CABLES2: variants seen among roughly 807,000 people sequenced by gnomAD.
CABLES2 encodes the protein CDK5 and ABL1 enzyme substrate 2.
CABLES2 carries 35 observed loss-of-function variants against 44.8 expected under a neutral mutation model. That is an observed-to-expected ratio of 0.78 (90% CI 0.60 to 1.04). The LOEUF (loss-of-function observed/expected upper bound fraction) is 1.04, where lower values mean the gene tolerates loss of function less well. CABLES2 is among the 50% of genes least tolerant of loss of function. The probability of loss-of-function intolerance (pLI) is 0.00; values close to 1 mark genes in which losing one functional copy is unlikely to be tolerated. For missense variants in CABLES2, 566 were observed against 615.7 expected (o/e 0.92, Z 0.85); for synonymous variants, 282 against 281.1 (o/e 1.00, Z -0.03).
At position 62,396,358 on chromosome 20, in the gene CABLES2, G is replaced by A. The variant is rs1303965350; in HGVS notation, c.484C>T (p.His162Tyr). The change falls in exon 3 of 10, where the codon CAC becomes TAC. Residue 162 changes from histidine to tyrosine, a missense_variant. Coordinates refer to ENST00000279101, the MANE Select transcript of CABLES2 (RefSeq NM_031215.3). The surrounding 1 kb of genome is among the most constrained non-coding windows in gnomAD (Gnocchi z 5.7). ...SPRHKGLKKT[H>Y]FIKNMRQYDT... ...TACTGCCTCATGTTCTTGATGAAGT[G>A]GGTCTTCTTCAGGCCTTTATGTCTC... The A allele has an allele frequency of 2.5e-6, 4 of 1,613,982 alleles. No individual in the cohort carries two copies. The Admixed American group carries it at 5.0e-5, about 20-fold the overall frequency.
chr20:62,404,699 A>G (rs1453388153), intron 1 of CABLES2: 16 of 152,424 alleles, frequency 1.0e-4, no homozygotes, highest in Admixed American at 1.0e-3. Flanking sequence ...CTCCCCCTCC[A>G]GGAACAGAGT....
Position 62,391,422 on chromosome 20 carries a change from C to A in CABLES2, c.1123G>T (p.Glu375Ter). Residue 375 changes from glutamate (E) to a stop codon, truncating the protein, a stop_gained, in exon 9 of 10, where the codon GAG (glutamate) becomes TAG (stop). Coordinates refer to ENST00000279101, the MANE Select transcript of CABLES2 (RefSeq NM_031215.3). LOFTEE classifies it high-confidence loss of function. The surrounding 1 kb of genome is among the most constrained non-coding windows in gnomAD (Gnocchi z 5.7). The stretch of plus-strand genomic sequence containing the variant: ...ACCGTCACGGGCTCCAGGCTGCACT[C>A]CTCCGACAGGCTCCGCATCTCCCGC... ...LKREMRSLSEECSLEPVTVAM... is the reference protein window; with the variant it reads ...LKREMRSLSE 1 of 1,613,280 alleles carries A rather than the reference C, an allele frequency of 6.2e-7. No homozygotes were observed. The highest frequency in any genetic ancestry group is 2.2e-5 in the East Asian group (1 of 44,882).
rs1413136325 is a variant in CABLES2, at chr20:62,389,157, A to C, written c.*1814T>G. 1 of 152,780 alleles carries C rather than the reference A, an allele frequency of 6.5e-6. No individual in the cohort carries two copies. The highest frequency in any genetic ancestry group is 2.4e-5 in the African/African-American group (1 of 41,448). The allele number at this position is 152,780 out of a possible 1,614,324, so 9.5% of individuals were successfully genotyped here. ...CCTTTACATGCTCGTAACATGGGCGAGCTCTTGAGATGGGATCTGGGTGGC... is the reference window on the plus strand; with the variant it reads ...CCTTTACATGCTCGTAACATGGGCGCGCTCTTGAGATGGGATCTGGGTGGC... On this transcript the variant is annotated 3_prime_UTR_variant, in exon 10 of 10. Coordinates refer to ENST00000279101, the MANE Select transcript of CABLES2 (RefSeq NM_031215.3).
In CABLES2 at chr20:62,391,179, C is replaced by T. The variant is rs561401756; in HGVS notation, c.1297-68G>A. 3.3e-4 allele frequency: 534 copies of T among 1,604,742 alleles called. 2 individuals are homozygous for T. The African/African-American group carries it at 6.3e-3, about 19-fold the overall frequency. ...CTTCCACATTTCCCACCCGGCCAGCCCCATCCCAGCAGTGGCCCTGGCTCG... is the reference window on the plus strand; with the variant it reads ...CTTCCACATTTCCCACCCGGCCAGCTCCATCCCAGCAGTGGCCCTGGCTCG... On this transcript the variant is annotated intron_variant, in intron 9 of 9. Transcript: ENST00000279101. The surrounding 1 kb of genome is among the most constrained non-coding windows in gnomAD (Gnocchi z 5.7).
chr20:62,397,941 G>GCGGTGGTGGTGATGA (rs1316852257), intron 1 of CABLES2, among the ~76,000 whole-genome samples: 1 of 136,008 alleles, frequency 7.4e-6, no homozygotes, highest in Non-Finnish European at 1.6e-5. Context: ...GGTGGTGATG[G>GCGGTGGTGGTGATGA]TGGTGACGGT....
rs142375643 is a variant in CABLES2 at position 62,401,322 on chromosome 20, C to G, written c.363-4730G>C. 1.6e-4 allele frequency among the ~76,000 whole-genome samples: 25 copies of G among 152,370 alleles called. No individual in the cohort carries two copies. The East Asian group carries it at 3.9e-3, about 24-fold the overall frequency. On this transcript the variant is annotated intron_variant, in intron 1 of 9. Transcript: ENST00000279101. ...CCCTTCCCCTCTGCCTCCACGGGAGCTGGTGTCAAGGGAGAACGAGGGAGG... is the reference window on the plus strand; with the variant it reads ...CCCTTCCCCTCTGCCTCCACGGGAGGTGGTGTCAAGGGAGAACGAGGGAGG...
chr20:62,394,867 C>T, intron 4 of CABLES2, 70 bp downstream of exon 4: 2 of 1,446,132 alleles, frequency 1.4e-6, no homozygotes, highest in Non-Finnish European at 1.9e-6. Flanking sequence ...GCCTCCTGGG[C>T]CTGGCCGAGA....
chr20:62,393,107 C>A (rs1359747621), intron 6 of CABLES2, 84 bp from the exon 7 acceptor site: 1 of 1,235,122 alleles, frequency 8.1e-7, no homozygotes, highest in Non-Finnish European at 1.2e-6. Context: ...AGCGCCATGG[C>A]GGGGCAAGGC....
At chr20:62,404,397 C>T (rs1988241979) in intron 1 of CABLES2, 1 of 152,348 alleles carries the variant, frequency 6.6e-6, no homozygotes, top group Non-Finnish European at 1.5e-5. Flanking sequence ...CAAGTCTGTT[C>T]CCAGAGCCCA....
At chr20:62,393,733 G>C in intron 5 of CABLES2, 128 bp from the exon 6 acceptor site, 1 of 1,015,312 alleles carries the variant, frequency 9.8e-7, no homozygotes, top group Non-Finnish European at 1.4e-6. Context: ...GAACAACTCA[G>C]ATCAAGCCGT....
chr20:62,396,259 C>A lies in CABLES2; in HGVS notation c.527+56G>T. 1 of 1,442,776 alleles carries A rather than the reference C, an allele frequency of 6.9e-7. No homozygotes were observed. The highest frequency in any genetic ancestry group is 9.8e-7 in the Non-Finnish European group (1 of 1,025,236). 89.4% of individuals were successfully genotyped at this position (1,442,776 alleles called of 1,614,324 possible). On this transcript the variant is annotated intron_variant, in intron 3 of 9. Transcript: ENST00000279101. The surrounding 1 kb of genome is among the most constrained non-coding windows in gnomAD (Gnocchi z 5.7). ...GATTGCTTGGCTGACAGGGGCAGGACCCCGTGGGCTTATGGAGACCACAGC... is the reference window on the plus strand; with the variant it reads ...GATTGCTTGGCTGACAGGGGCAGGAACCCGTGGGCTTATGGAGACCACAGC...
chr20:62,404,711 G>T (rs1023219415), intron 1 of CABLES2: 1 of 152,386 alleles, frequency 6.6e-6, no homozygotes, highest in African/African-American at 2.4e-5. Flanking sequence ...GAACAGAGTG[G>T]GGTTCAGGAA....
intron 1 of CABLES2, chr20:62,403,702 C>T (rs1440365485): frequency 1.3e-5 from 2 of 152,370 alleles, no homozygotes; most frequent in African/African-American, 2.4e-5. Flanking sequence ...GCCCAGAGTT[C>T]CCACTTGCTT....
intron 3 of CABLES2, among the ~76,000 whole-genome samples, chr20:62,395,241 G>A (rs1987996249): frequency 1.3e-5 from 2 of 152,240 alleles, no homozygotes; most frequent in Admixed American, 1.3e-4. Flanking sequence ...AGGAGCTACC[G>A]GGGTTCCCCT....
Position 62,396,846 on chromosome 20 carries a change from A to G in CABLES2, c.363-254T>C, listed in dbSNP as rs1792792093. Among the ~76,000 whole-genome samples the G allele has an allele frequency of 6.6e-6, 1 of 152,076 alleles. No homozygotes were observed. On this transcript the variant is annotated intron_variant, in intron 1 of 9. Transcript: ENST00000279101. The surrounding 1 kb of genome is among the most constrained non-coding windows in gnomAD (Gnocchi z 5.7). The stretch of plus-strand genomic sequence containing the variant: ...AGCAGCCCTGGGGGACAGGCTCCTC[A>G]GGCATAGGATAGCACAGCACAGCAC...
At position 62,389,903 on chromosome 20, in the gene CABLES2, C is replaced by G. The variant is rs1987880419; in HGVS notation, c.*1068G>C. 6.6e-6 allele frequency: 1 copy of G among 152,206 alleles called. No homozygotes were observed. The highest frequency in any genetic ancestry group is 6.5e-5 in the Admixed American group (1 of 15,282). The allele number at this position is 152,206 out of a possible 1,614,324, so 9.4% of individuals were successfully genotyped here. A position where few individuals can be genotyped will look rare whatever the true frequency, so the allele number is the denominator to read the frequency against. On this transcript the variant is annotated 3_prime_UTR_variant, in exon 10 of 10. Transcript: ENST00000279101. ...GGTGGGCTGCCCTGGCCGAGGTGGC[C>G]AAGATGGCACCTGTTTCCTGCCTCA...
intron 1 of CABLES2, 70 bp downstream of exon 1, chr20:62,406,845 G>A: frequency 1.1e-6 from 1 of 908,780 alleles, no homozygotes; most frequent in Non-Finnish European, 1.4e-6. Context: ...CCTAGTCCTG[G>A]GCTGATCCGG....
chr20:62,394,277 G>A lies in CABLES2; in HGVS notation c.606-12C>T, dbSNP rs774976422. 6.2e-7 allele frequency: 1 copy of A among 1,607,606 alleles called. No individual in the cohort carries two copies. The highest frequency in any genetic ancestry group is 8.5e-7 in the Non-Finnish European group (1 of 1,175,472). ...CCACCCTCAGGTCACTGCAAACATG[G>A]GAGAGGCAAGGGGCTGTGGTCTGCG... On this transcript the variant is annotated splice_polypyrimidine_tract_variant and intron_variant, in intron 4 of 9. Transcript: ENST00000279101.
At chr20:62,397,952 A>ATGGTGGTGATGGCG (rs1569017204) in intron 1 of CABLES2, among the ~76,000 whole-genome samples, 1 of 12,946 alleles carries the variant, frequency 7.7e-5, no homozygotes, top group Non-Finnish European at 1.5e-4. Flanking sequence ...TGGTGACGGT[A>ATGGTGGTGATGGCG]GTGGTGGTGA....
Sources: gnomAD v4.1 joint callset for allele counts (sites outside exome capture counted in the v4.1 genomes callset) on GRCh38, gnomAD v4.1.1 for gene constraint, Gnocchi (gnomAD v3.1) non-coding constraint, MANE v1.5 for transcripts, NCBI Gene and HGNC (gene_info 2026-07-23, HGNC 2026-07-21) for gene names.